Variants in HMGN3 observed in about 807,000 individuals in gnomAD.
The protein encoded by HMGN3 is high mobility group nucleosome-binding domain-containing protein 3.
In HMGN3, 6 loss-of-function variants were observed where a neutral mutation model predicts 18.8. The observed-to-expected ratio is 0.32, with a 90% CI of 0.18 to 0.63. HMGN3 has a LOEUF of 0.63. HMGN3 is among the 30% of genes least tolerant of loss of function. The pLI is 0.79. For missense variants in HMGN3, 107 were observed against 114.2 expected (o/e 0.94, Z 0.29); for synonymous variants, 40 against 36.5 (o/e 1.10, Z -0.35).
intron 3 of HMGN3, among the ~76,000 whole-genome samples, chr6:79,205,645 A>C (rs1776387733): frequency 6.6e-6 from 1 of 152,214 alleles, no homozygotes; most frequent in African/African-American, 2.4e-5. Flanking sequence ...TAATACAGTA[A>C]ATTGGTACCA....
rs544567253 is a variant in HMGN3 at position 79,208,357 on chromosome 6, T to C, written c.96+190A>G. The stretch of plus-strand genomic sequence containing the variant: ...GTTATGGGGCTGGCCACTGTTTTTC[T>C]GACACATTTGATCAAGTGAATTGCT... On this transcript the variant is annotated intron_variant, in intron 3 of 5. Coordinates refer to ENST00000344726, the Ensembl canonical transcript of HMGN3. Among the ~76,000 whole-genome samples, 141 of 152,324 alleles carry C rather than the reference T, an allele frequency of 9.3e-4. 1 individual carries two copies. The highest frequency in any genetic ancestry group is 6.8e-3 in the Middle Eastern group (2 of 294).
At chr6:79,214,369 C>T (rs892270471) in intron 2 of HMGN3, among the ~76,000 whole-genome samples, 4 of 151,626 alleles carry the variant, frequency 2.6e-5, no homozygotes, top group Non-Finnish European at 4.4e-5. Context: ...GCCTGGCTAA[C>T]TTTTTATATT....
intron 2 of HMGN3, among the ~76,000 whole-genome samples, chr6:79,211,465 GTTTTTTTTTTTTTTTT>G (rs58861121): frequency 2.2e-5 from 3 of 135,368 alleles, no homozygotes; most frequent in Non-Finnish European, 4.8e-5. Flanking sequence ...AATTTCTCTT[GTTTTTTTTTTTTTTTT>G]TTTAATTGTG....
chr6:79,205,104 A>T (rs1026094617), intron 3 of HMGN3, among the ~76,000 whole-genome samples: 3 of 152,150 alleles, frequency 2.0e-5, no homozygotes, highest in Non-Finnish European at 4.4e-5. Context: ...ACAGGGAATG[A>T]TCTCAGTGGA....
intron 1 of HMGN3, among the ~76,000 whole-genome samples, chr6:79,215,645 T>G (rs1776943452): frequency 6.6e-6 from 1 of 152,210 alleles, no homozygotes; most frequent in Non-Finnish European, 1.5e-5. Flanking sequence ...ATCCATCCCC[T>G]GGGGCAGCAC....
chr6:79,213,954 GT>G (rs1301573446), intron 2 of HMGN3, among the ~76,000 whole-genome samples: 1 of 152,116 alleles, frequency 6.6e-6, no homozygotes, highest in Non-Finnish European at 1.5e-5. Context: ...AAACGGAATG[GT>G]TGTCATCAAA....
At chr6:79,221,986 A>G (rs1777314519) in intron 1 of HMGN3, among the ~76,000 whole-genome samples, 1 of 151,926 alleles carries the variant, frequency 6.6e-6, no homozygotes, top group Admixed American at 6.6e-5. Flanking sequence ...TTAGAGTTTT[A>G]CTTCTAAGAG....
At chr6:79,232,084 C>A (rs1295467418) in intron 1 of HMGN3, among the ~76,000 whole-genome samples, 2 of 152,122 alleles carry the variant, frequency 1.3e-5, no homozygotes, top group Non-Finnish European at 2.9e-5. Context: ...CAAAAAAGTA[C>A]TAGGGGGACA....
intron 1 of HMGN3, among the ~76,000 whole-genome samples, chr6:79,220,298 C>T (rs1777207752): frequency 6.6e-6 from 1 of 152,068 alleles, no homozygotes; most frequent in Non-Finnish European, 1.5e-5. Context: ...AAGTAAAAAA[C>T]AAAGGAAAAC....
intron 2 of HMGN3, among the ~76,000 whole-genome samples, chr6:79,214,422 C>G (rs1186983268): frequency 6.6e-6 from 1 of 152,072 alleles, no homozygotes; most frequent in Non-Finnish European, 1.5e-5. Context: ...AGGATGGTCT[C>G]TATCTCCTGA....
chr6:79,233,060 C>T (rs1336252045), intron 1 of HMGN3, among the ~76,000 whole-genome samples: 1 of 152,150 alleles, frequency 6.6e-6, no homozygotes, highest in Admixed American at 6.5e-5. Flanking sequence ...CTTGACCCAC[C>T]CTTTCGTAAG....
chr6:79,222,604 G>A (rs1024927894), intron 1 of HMGN3, among the ~76,000 whole-genome samples: 1 of 152,276 alleles, frequency 6.6e-6, no homozygotes, highest in East Asian at 1.9e-4. Context: ...ACAATGGCTT[G>A]GTTGTTTTTC....
At chr6:79,206,487 G>T (rs995537999) in intron 3 of HMGN3, among the ~76,000 whole-genome samples, 2 of 152,196 alleles carry the variant, frequency 1.3e-5, no homozygotes, top group African/African-American at 4.8e-5. Context: ...GCTTCCATGT[G>T]GTGTTGAGCC....
chr6:79,213,941 T>C (rs752458466), intron 2 of HMGN3, among the ~76,000 whole-genome samples: 8 of 152,208 alleles, frequency 5.3e-5, no homozygotes, highest in Admixed American at 4.6e-4. Flanking sequence ...TAAAGCCCTG[T>C]GCAAACGGAA....
intron 2 of HMGN3, among the ~76,000 whole-genome samples, chr6:79,211,766 T>C (rs2127821003): frequency 6.6e-6 from 1 of 152,256 alleles, no homozygotes; most frequent in Non-Finnish European, 1.5e-5. Context: ...TCCTTTAGGT[T>C]GGAGAAAATT....
chr6:79,212,855 A>G (rs1776769195), intron 2 of HMGN3, among the ~76,000 whole-genome samples: 1 of 152,240 alleles, frequency 6.6e-6, no homozygotes, highest in Middle Eastern at 3.4e-3. Flanking sequence ...CAATCAATAC[A>G]CTGACAGTTT....
intron 5 of HMGN3, 55 bp from the exon 6 acceptor site, chr6:79,202,210 C>G: frequency 6.2e-7 from 1 of 1,611,942 alleles, no homozygotes; most frequent in Non-Finnish European, 8.5e-7. Context: ...CTATCACCGG[C>G]TGAAGGATTG....
chr6:79,221,985 T>G (rs1378804044), intron 1 of HMGN3, among the ~76,000 whole-genome samples: 1 of 151,930 alleles, frequency 6.6e-6, no homozygotes, highest in Non-Finnish European at 1.5e-5. Context: ...CTTAGAGTTT[T>G]ACTTCTAAGA....
At chr6:79,229,860 T>A (rs949222003) in intron 1 of HMGN3, among the ~76,000 whole-genome samples, 2 of 152,090 alleles carry the variant, frequency 1.3e-5, no homozygotes, top group African/African-American at 4.8e-5. Context: ...CCTGGGCGAC[T>A]GAGCCAGACT....
Sources: allele counts gnomAD v4.1 joint callset (sites outside exome capture counted in the v4.1 genomes callset), GRCh38; gene constraint gnomAD v4.1.1; transcripts MANE v1.5; gene names NCBI Gene and HGNC (gene_info 2026-07-23, HGNC 2026-07-21).